The following ARID3A variants were observed in gnomAD, a reference collection of about 807,000 sequenced individuals.
The protein encoded by ARID3A is AT-rich interaction domain 3A, also known as AT-rich interactive domain-containing protein 3A.
Under a neutral mutation model 52.7 loss-of-function variants are expected in ARID3A, and 11 were observed. That is an observed-to-expected ratio of 0.21 (90% CI 0.13 to 0.35). ARID3A has a LOEUF of 0.35. ARID3A is among the 10% of genes least tolerant of loss of function. ARID3A has a pLI of 1.00. For synonymous variants in ARID3A, 404 were observed against 359.4 expected, an observed-to-expected ratio of 1.12 and a Z score of -1.40; for missense variants, 721 against 838.5, an observed-to-expected ratio of 0.86 and a Z score of 1.73.
In ARID3A at chr19:959,173, C is replaced by T. The variant is rs1336442808; in HGVS notation, c.694-919C>T. Among the ~76,000 whole-genome samples, 3 of 152,224 alleles carry T rather than the reference C, an allele frequency of 2.0e-5. No homozygotes were observed. Among genetic ancestry groups the T allele is most frequent in the African/African-American group, 7.2e-5 (3 of 41,452 alleles). Reference sequence around the variant, plus strand: ...GACAGAGGCAGAGGCTGGAGCGACGCGGCCACAAGCCCAGGAACCTGGAGC... The same window carrying T: ...GACAGAGGCAGAGGCTGGAGCGACGTGGCCACAAGCCCAGGAACCTGGAGC... On this transcript the variant is annotated intron_variant, in intron 3 of 8. Coordinates refer to ENST00000263620, the MANE Select transcript of ARID3A (RefSeq NM_005224.3). The surrounding 1 kb of genome is among the most constrained non-coding windows in gnomAD (Gnocchi z 5.0).
rs1275323397 is a variant in ARID3A at position 945,747 on chromosome 19, G to A, written c.693+13005G>A. Among the ~76,000 whole-genome samples the A allele has an allele frequency of 5.3e-5, 8 of 152,314 alleles. No individual in the cohort carries two copies. In the South Asian group the frequency reaches 1.2e-3, roughly 24 times the overall value. On this transcript the variant is annotated intron_variant, in intron 3 of 8. Coordinates refer to ENST00000263620, the MANE Select transcript of ARID3A (RefSeq NM_005224.3). ...CAGGCCCGTGTCCCATTGTGGGGAC[G>A]GCGTCGACATGGCCGGGGCAGGCGT...
At chr19:961,046 G>A (rs1184997506) in intron 4 of ARID3A, among the ~76,000 whole-genome samples, 2 of 152,160 alleles carry the variant, frequency 1.3e-5, no homozygotes, top group African/African-American at 2.4e-5. Flanking sequence ...GGTCCTAGGA[G>A]CGTCTGCTGC....
chr19:963,616 T>C (rs977933513), intron 4 of ARID3A, among the ~76,000 whole-genome samples: 21 of 152,160 alleles, frequency 1.4e-4, no homozygotes, highest in African/African-American at 5.1e-4. Context: ...CAGCCGCCTC[T>C]TCTTCCTGGG....
intron 3 of ARID3A, among the ~76,000 whole-genome samples, chr19:939,717 A>G (rs1043025877): frequency 6.6e-6 from 1 of 152,006 alleles, no homozygotes; most frequent in Non-Finnish European, 1.5e-5. Context: ...TTTCAGCTGT[A>G]TGGACGTTCC....
At chr19:951,522 G>A (rs972260801) in intron 3 of ARID3A, among the ~76,000 whole-genome samples, 2 of 152,050 alleles carry the variant, frequency 1.3e-5, no homozygotes, top group African/African-American at 2.4e-5. Context: ...CTGCACTCCA[G>A]CCTGGGCGAC....
intron 8 of ARID3A, 109 bp downstream of exon 8, chr19:968,612 C>A: frequency 3.0e-6 from 3 of 987,466 alleles, no homozygotes; most frequent in Middle Eastern, 2.8e-4. Flanking sequence ...GGTGTGCGGG[C>A]GAGCAGGGCA....
Position 974,964 on chromosome 19 carries a change from C to CG in ARID3A, c.*2899_*2900insG, listed in dbSNP as rs2038350991. On this transcript the variant is annotated 3_prime_UTR_variant, in exon 9 of 9. Transcript: ENST00000263620. ...TGGCCGTGGAAATGGGAGGCGGTTG[C>CG]AGAGGGTCTATGGGGCCCGGTCCTG... 11 of 231,252 alleles carry CG rather than the reference C, an allele frequency of 4.8e-5. No individual in the cohort carries two copies. The highest frequency in any genetic ancestry group is 2.3e-4 in the Admixed American group (4 of 17,722). The allele number at this position is 231,252 out of a possible 1,614,324, so 14.3% of individuals were successfully genotyped here.
At chr19:936,492 C>T (rs1172106112) in intron 3 of ARID3A, among the ~76,000 whole-genome samples, 2 of 151,928 alleles carry the variant, frequency 1.3e-5, no homozygotes, top group South Asian at 2.1e-4. Flanking sequence ...TGCAGTGAGC[C>T]GTGATCGCGC....
At position 960,271 on chromosome 19, in the gene ARID3A, C is replaced by A; in HGVS notation, c.766+107C>A. On this transcript the variant is annotated intron_variant, in intron 4 of 8. Coordinates refer to ENST00000263620, the MANE Select transcript of ARID3A (RefSeq NM_005224.3). This position sits in a 1 kb window ranked among gnomAD's most constrained non-coding sequence, Gnocchi z 4.3. Reference sequence around the variant, plus strand: ...CGGGGCGGTGGTGAGCACCCCGTGGCTGGAGGCATCCAAGGCTCCTAAATC... The same window carrying A: ...CGGGGCGGTGGTGAGCACCCCGTGGATGGAGGCATCCAAGGCTCCTAAATC... The A allele has an allele frequency of 3.1e-6, 3 of 964,736 alleles. No individual in the cohort carries two copies. Among genetic ancestry groups the A allele is most frequent in the South Asian group, 1.8e-5 (1 of 55,100 alleles). The allele number at this position is 964,736 out of a possible 1,614,324, so 59.8% of individuals were successfully genotyped here.
chr19:932,820 C>A, intron 3 of ARID3A, 78 bp downstream of exon 3: 1 of 1,537,088 alleles, frequency 6.5e-7, no homozygotes, highest in South Asian at 1.2e-5. Flanking sequence ...CCACGTTGCA[C>A]GGGGTGTGTG....
chr19:972,233 A>ATACG lies in ARID3A; in HGVS notation c.*170_*171insCGTA. On this transcript the variant is annotated 3_prime_UTR_variant, in exon 9 of 9. Coordinates refer to ENST00000263620, the MANE Select transcript of ARID3A (RefSeq NM_005224.3). Reference sequence around the variant, plus strand: ...AAGAAAAGAAAAAAGATATATATATATATATATATATATACACGTATATAT... The same window carrying ATACG: ...AAGAAAAGAAAAAAGATATATATATATACGTATATATATATATACACGTATATAT... 1 of 214,958 alleles carries ATACG rather than the reference A, an allele frequency of 4.7e-6. No individual in the cohort carries two copies. The highest frequency in any genetic ancestry group is 9.3e-6 in the Non-Finnish European group (1 of 108,074). 13.3% of individuals were successfully genotyped at this position (214,958 alleles called of 1,614,324 possible). A position where few individuals can be genotyped will look rare whatever the true frequency, so the allele number is the denominator to read the frequency against.
chr19:966,022 G>A (rs2038143368), intron 6 of ARID3A, among the ~76,000 whole-genome samples: 1 of 150,810 alleles, frequency 6.6e-6, no homozygotes, highest in Admixed American at 6.6e-5. Flanking sequence ...TTAGCTTAGT[G>A]TGGTGGTGGG....
At position 941,561 on chromosome 19, in the gene ARID3A, T is replaced by G. The variant is rs2037555635; in HGVS notation, c.693+8819T>G. 6.6e-6 allele frequency among the ~76,000 whole-genome samples: 1 copy of G among 152,164 alleles called. No homozygotes were observed. Among genetic ancestry groups the G allele is most frequent in the African/African-American group, 2.4e-5 (1 of 41,416 alleles). On this transcript the variant is annotated intron_variant, in intron 3 of 8. Coordinates refer to ENST00000263620, the MANE Select transcript of ARID3A (RefSeq NM_005224.3). The surrounding 1 kb of genome is among the most constrained non-coding windows in gnomAD (Gnocchi z 6.9). ...GTTGGTGAGTGTGTCCAGACGTGTGTCTGCCCTGACGTCCTTTGTGAATGT... is the reference window on the plus strand; with the variant it reads ...GTTGGTGAGTGTGTCCAGACGTGTGGCTGCCCTGACGTCCTTTGTGAATGT...
chr19:974,189 C>T lies in ARID3A; in HGVS notation c.*2124C>T, dbSNP rs1208996644. 3 of 224,328 alleles carry T rather than the reference C, an allele frequency of 1.3e-5. No individual in the cohort carries two copies. Among genetic ancestry groups the T allele is most frequent in the East Asian group, 6.4e-5 (1 of 15,640 alleles). 13.9% of individuals were successfully genotyped at this position (224,328 alleles called of 1,614,324 possible). On this transcript the variant is annotated 3_prime_UTR_variant, in exon 9 of 9. Coordinates refer to ENST00000263620, the MANE Select transcript of ARID3A (RefSeq NM_005224.3). ...GCCCCTGAGTCTAGGTTCACTTTCC[C>T]GTCGGGCTGTGGGAGGGGACTGTCA...
chr19:945,906 G>A (rs1421328532), intron 3 of ARID3A, among the ~76,000 whole-genome samples: 1 of 152,202 alleles, frequency 6.6e-6, no homozygotes, highest in East Asian at 1.9e-4. Context: ...CTCCTGCTGG[G>A]CATGACACTT....
At chr19:932,823 G>C (rs2037362134) in intron 3 of ARID3A, 81 bp downstream of exon 3, 1 of 1,531,972 alleles carries the variant, frequency 6.5e-7, no homozygotes, top group South Asian at 1.2e-5. Context: ...CGTTGCACGG[G>C]GTGTGTGCTG....
chr19:947,750 G>A lies in ARID3A; in HGVS notation c.694-12342G>A, dbSNP rs1414521307. Among the ~76,000 whole-genome samples, 2 of 152,238 alleles carry A rather than the reference G, an allele frequency of 1.3e-5. No individual in the cohort carries two copies. Among genetic ancestry groups the A allele is most frequent in the Non-Finnish European group, 1.5e-5 (1 of 68,034 alleles). On this transcript the variant is annotated intron_variant, in intron 3 of 8. Coordinates refer to ENST00000263620, the MANE Select transcript of ARID3A (RefSeq NM_005224.3). This position sits in a 1 kb window ranked among gnomAD's most constrained non-coding sequence, Gnocchi z 6.3. ...TTTCTGGAGAGTGTTATTAATATCC[G>A]CCCCGTGGGTGCGGCGCTGTGTATT...
In ARID3A at chr19:929,893, A is replaced by T; in HGVS notation, c.365A>T (p.Asp122Val). 1 of 1,540,670 alleles carries T rather than the reference A, an allele frequency of 6.5e-7. No individual in the cohort carries two copies. ...TTTGAGGACATGGCCTCCGACGAGG[A>T]CATGTGAGTTGGGGTCTGGGGCAGG... ...EHFEDMASDE[D>V]MKPKWEEEEM... The change falls in exon 2 of 9, where the codon GAC (aspartate) becomes GTC (valine). Residue 122 changes from aspartate to valine, a missense_variant. Coordinates refer to ENST00000263620, the MANE Select transcript of ARID3A (RefSeq NM_005224.3). The surrounding 1 kb of genome is among the most constrained non-coding windows in gnomAD (Gnocchi z 6.2).
chr19:968,118 T>C, intron 7 of ARID3A, among the ~76,000 whole-genome samples: 1 of 150,988 alleles, frequency 6.6e-6, no homozygotes, highest in Non-Finnish European at 1.5e-5. Flanking sequence ...CCCAGCACTT[T>C]GGGAGGCCGA....
Sources: gnomAD v4.1 joint callset for allele counts (sites outside exome capture counted in the v4.1 genomes callset) on GRCh38, gnomAD v4.1.1 for gene constraint, Gnocchi (gnomAD v3.1) non-coding constraint, MANE v1.5 for transcripts, NCBI Gene and HGNC (gene_info 2026-07-23, HGNC 2026-07-21) for gene names.